Variants in EBI3 observed in about 807,000 individuals in gnomAD.
EBI3 encodes the protein interleukin-27 subunit beta.
In EBI3, 19 loss-of-function variants were observed where a neutral mutation model predicts 21.3. The ratio of observed to expected loss-of-function variants is 0.89; its 90% CI spans 0.62 to 1.31. EBI3 has a LOEUF of 1.31. EBI3 is among the 50% of genes most tolerant of loss of function. The pLI is 0.00. For missense variants in EBI3, 331 were observed against 314.0 expected (o/e 1.05, Z -0.41); for synonymous variants, 154 against 131.2 (o/e 1.17, Z -1.19).
intron 2 of EBI3, among the ~76,000 whole-genome samples, chr19:4,231,548 T>C (rs1272820064): frequency 6.6e-6 from 1 of 151,928 alleles, no homozygotes; most frequent in Non-Finnish European, 1.5e-5. Context: ...GGTGGGCAGA[T>C]TGCTTGAGGT....
At position 4,233,284 on chromosome 19, in the gene EBI3, T is replaced by A. The variant is rs1599488095; in HGVS notation, c.356T>A (p.Val119Glu). Residue 119 changes from valine to glutamate, a missense_variant, in exon 3 of 5, where the codon GTG becomes GAG. Transcript: ENST00000221847. ...CCCTGGGGCTCCAGCAGCAGCTTCG[T>A]GCCTTTCATAACAGAGCACATCAGT... ...VHPWGSSSSF[V>E]PFITEHIIKP... The A allele has an allele frequency of 2.6e-6, 4 of 1,567,396 alleles. No homozygotes were observed. Among genetic ancestry groups the A allele is most frequent in the African/African-American group, 2.7e-5 (2 of 73,304 alleles).
chr19:4,231,064 G>A (rs1568354936), intron 1 of EBI3, 127 bp from the exon 2 acceptor site: 14 of 1,280,112 alleles, frequency 1.1e-5, no homozygotes, highest in African/African-American at 1.5e-5. Context: ...TATTTATTCC[G>A]AAAGCCTTTA....
chr19:4,236,543 A>AAAAAAAAG (rs869283945), intron 4 of EBI3, among the ~76,000 whole-genome samples: 3 of 149,674 alleles, frequency 2.0e-5, no homozygotes, highest in Non-Finnish European at 3.0e-5. Context: ...AAAAAAAAAA[A>AAAAAAAAG]GCATGGTTAA....
At chr19:4,233,473 CATT>C (rs1223713717) in intron 3 of EBI3, among the ~76,000 whole-genome samples, 166 bp downstream of exon 3, 1 of 152,074 alleles carries the variant, frequency 6.6e-6, no homozygotes, top group Non-Finnish European at 1.5e-5. Flanking sequence ...GCACCCCCAT[CATT>C]GACAGCCCAG....
At chr19:4,235,393 C>T (rs1230068692) in intron 4 of EBI3, among the ~76,000 whole-genome samples, 3 of 151,956 alleles carry the variant, frequency 2.0e-5, no homozygotes, top group African/African-American at 7.3e-5. Context: ...GATCTTGGCT[C>T]GCTGAAACCT....
chr19:4,235,379 G>A (rs1970828823), intron 4 of EBI3, among the ~76,000 whole-genome samples: 1 of 142,492 alleles, frequency 7.0e-6, no homozygotes, highest in Non-Finnish European at 1.5e-5. Flanking sequence ...GAGTGCAGTG[G>A]CGCGATCTTG....
In EBI3 at chr19:4,231,337, G is replaced by C; in HGVS notation, c.200+14G>C. 6.3e-7 allele frequency: 1 copy of C among 1,597,012 alleles called. No individual in the cohort carries two copies. Among genetic ancestry groups the C allele is most frequent in the Non-Finnish European group, 8.5e-7 (1 of 1,174,092 alleles). Reference sequence around the variant, plus strand: ...TGCCACGTACAGGTCGGAGAGCCTGGAAGGGGGCCTCAGGGACACTGGACT... The same window carrying C: ...TGCCACGTACAGGTCGGAGAGCCTGCAAGGGGGCCTCAGGGACACTGGACT... On this transcript the variant is annotated intron_variant, in intron 2 of 4. Transcript: ENST00000221847.
At chr19:4,236,461 C>T (rs1216024672) in intron 4 of EBI3, among the ~76,000 whole-genome samples, 4 of 124,356 alleles carry the variant, frequency 3.2e-5, no homozygotes, top group African/African-American at 1.2e-4. Flanking sequence ...GCAGAGGTTG[C>T]AGTAAGCCAA....
rs1568355499 is a variant in EBI3 at position 4,232,740 on chromosome 19, GAAGGGATGAATTAATGAATGAAT to G, written c.201-388_201-366del. Reference sequence around the variant, plus strand: ...CCCTGTCATGAATGAATGAATGAATGAAGGGATGAATTAATGAATGAATGAAGGAATGAATTAATGAATGAATG... The same window carrying G: ...CCCTGTCATGAATGAATGAATGAATGGAAGGAATGAATTAATGAATGAATG... On this transcript the variant is annotated intron_variant, in intron 2 of 4. Transcript: ENST00000221847. Among the ~76,000 whole-genome samples, 11 of 103,126 alleles carry G rather than the reference GAAGGGATGAATTAATGAATGAAT, an allele frequency of 1.1e-4. No individual in the cohort carries two copies. In the South Asian group the frequency reaches 5.1e-3, roughly 48 times the overall value. 67.7% of individuals were successfully genotyped at this position (103,126 alleles called of 152,430 possible).
chr19:4,235,655 G>A (rs957562073), intron 4 of EBI3, among the ~76,000 whole-genome samples: 1 of 152,200 alleles, frequency 6.6e-6, no homozygotes, highest in African/African-American at 2.4e-5. Context: ...TGGCTGGGCA[G>A]GGTGGCTCAC....
intron 2 of EBI3, chr19:4,232,895 A>T: frequency 2.3e-6 from 1 of 442,138 alleles, no homozygotes; most frequent in Non-Finnish European, 4.0e-6. Context: ...GGACCCTAGC[A>T]TCTAGCTTGG....
chr19:4,234,869 A>T, intron 4 of EBI3, 45 bp downstream of exon 4: 1 of 1,603,948 alleles, frequency 6.2e-7, no homozygotes, highest in Non-Finnish European at 8.5e-7. Flanking sequence ...TGCCTGGCAG[A>T]GGGAATGGTT....
intron 1 of EBI3, among the ~76,000 whole-genome samples, chr19:4,230,910 C>T (rs1970776108): frequency 1.3e-5 from 2 of 151,836 alleles, no homozygotes; most frequent in Non-Finnish European, 2.9e-5. Context: ...AGAGAGAACA[C>T]GGTAAAATCT....
intron 1 of EBI3, among the ~76,000 whole-genome samples, chr19:4,229,837 G>T (rs1455146862): frequency 6.6e-6 from 1 of 152,184 alleles, no homozygotes; most frequent in African/African-American, 2.4e-5. Context: ...GGGACTGGCA[G>T]TCACAGCTCA....
rs116175650 is a variant in EBI3, at chr19:4,232,586, T to C, written c.201-543T>C. On this transcript the variant is annotated intron_variant, in intron 2 of 4. Transcript: ENST00000221847. Reference sequence around the variant, plus strand: ...AAAAAAATTTAAAATTAGCCAAGAGTGGTGATGCGTGCCTGTAGTCCCAAC... The same window carrying C: ...AAAAAAATTTAAAATTAGCCAAGAGCGGTGATGCGTGCCTGTAGTCCCAAC... 6.5e-3 allele frequency among the ~76,000 whole-genome samples: 958 copies of C among 146,726 alleles called. 12 individuals are homozygous for C. The highest frequency in any genetic ancestry group is 0.021 in the African/African-American group (858 of 40,552).
intron 3 of EBI3, among the ~76,000 whole-genome samples, chr19:4,234,133 G>A (rs753316185): frequency 9.2e-5 from 14 of 152,208 alleles, no homozygotes; most frequent in Non-Finnish European, 2.1e-4. Flanking sequence ...TTGAACCCAG[G>A]AGGTGGAGGT....
In EBI3 at chr19:4,231,294, C is replaced by A; in HGVS notation, c.171C>A (p.Thr57=). Residue 57 remains threonine (T), a synonymous_variant, in exon 2 of 5, where the codon ACC becomes ACA. Transcript: ENST00000221847. ...SWTLPPAPNS[T]SPVSFIATYR... is the part of the protein sequence containing the mutation. ...CCCTGCCGCCTGCTCCAAACTCCACCAGCCCCGTGTCCTTCATTGCCACGT... is the reference window on the plus strand; with the variant it reads ...CCCTGCCGCCTGCTCCAAACTCCACAAGCCCCGTGTCCTTCATTGCCACGT... 1 of 1,612,840 alleles carries A rather than the reference C, an allele frequency of 6.2e-7. No individual in the cohort carries two copies. The highest frequency in any genetic ancestry group is 1.1e-5 in the South Asian group (1 of 90,964).
chr19:4,234,639 C>T, intron 3 of EBI3, 28 bp from the exon 4 acceptor site: 1 of 1,605,112 alleles, frequency 6.2e-7, no homozygotes, highest in Non-Finnish European at 8.5e-7. Flanking sequence ...TTACTGTCCC[C>T]TGACCCTGCT....
intron 1 of EBI3, among the ~76,000 whole-genome samples, chr19:4,229,891 G>A (rs757157252): frequency 3.3e-5 from 5 of 152,060 alleles, no homozygotes; most frequent in African/African-American, 7.2e-5. Context: ...ACAGACATGC[G>A]AATTTGAGTC....
Sources: gnomAD v4.1 joint callset for allele counts (sites outside exome capture counted in the v4.1 genomes callset) on GRCh38, gnomAD v4.1.1 for gene constraint, MANE v1.5 for transcripts, NCBI Gene and HGNC (gene_info 2026-07-23, HGNC 2026-07-21) for gene names.